SAP130: variants seen among roughly 807,000 people sequenced by gnomAD.
SAP130 encodes histone deacetylase complex subunit SAP130.
A neutral mutation model predicts 103.2 loss-of-function variants in SAP130; 16 were observed. That is an observed-to-expected ratio of 0.16 (90% CI 0.10 to 0.24). SAP130 has a LOEUF of 0.24. SAP130 is among the 10% of genes least tolerant of loss of function. The probability of loss-of-function intolerance (pLI) is 1.00; values close to 1 mark genes in which losing one functional copy is unlikely to be tolerated. For missense variants in SAP130, 990 were observed against 1,359.7 expected (o/e 0.73, Z 4.28); for synonymous variants, 477 against 497.0 (o/e 0.96, Z 0.53).
At chr2:127,988,757 G>A (rs1034719868) in intron 13 of SAP130, among the ~76,000 whole-genome samples, 1 of 151,902 alleles carries the variant, frequency 6.6e-6, no homozygotes, top group Non-Finnish European at 1.5e-5. Flanking sequence ...GGCTGAGGTG[G>A]GAGGATCACT....
At chr2:127,966,800 T>C (rs946276494) in intron 15 of SAP130, among the ~76,000 whole-genome samples, 2 of 152,168 alleles carry the variant, frequency 1.3e-5, no homozygotes, top group African/African-American at 4.8e-5. Flanking sequence ...GCTTGATAAA[T>C]CTTTTGAAAA....
chr2:127,948,492 A>G (rs1679280147), intron 18 of SAP130, among the ~76,000 whole-genome samples: 1 of 151,770 alleles, frequency 6.6e-6, no homozygotes, highest in African/African-American at 2.4e-5. Context: ...GGCACCCGCC[A>G]TCATGCCTGG....
intron 5 of SAP130, among the ~76,000 whole-genome samples, chr2:128,014,282 C>T (rs940610333): frequency 2.0e-5 from 3 of 151,774 alleles, no homozygotes; most frequent in East Asian, 1.9e-4. Flanking sequence ...TGGAGTGCAG[C>T]GGCGCAATCT....
At chr2:127,970,369 T>A (rs1445594848) in intron 15 of SAP130, among the ~76,000 whole-genome samples, 4 of 150,998 alleles carry the variant, frequency 2.6e-5, no homozygotes, top group Non-Finnish European at 5.9e-5. Context: ...GGTGAAACCC[T>A]GTCTCTACTA....
intron 2 of SAP130, among the ~76,000 whole-genome samples, chr2:128,021,390 T>C (rs1294471795): frequency 6.8e-6 from 1 of 146,062 alleles, no homozygotes; most frequent in African/African-American, 2.6e-5. Flanking sequence ...GAGGTTGCAG[T>C]GAGTCGAGAT....
rs1559036465 is a variant in SAP130, at chr2:127,955,021, T to A, written c.2387A>T (p.Glu796Val). 6.2e-7 allele frequency: 1 copy of A among 1,613,700 alleles called. No individual in the cohort carries two copies. The highest frequency in any genetic ancestry group is 2.2e-5 in the East Asian group (1 of 44,868). Reference protein sequence around the residue: ...PPVPEIKVKEEVEPMDIMRPV... With the variant: ...PPVPEIKVKEVVEPMDIMRPV... ...CCTCATGATATCCATTGGTTCTACT[T>A]CTTCTTTCACTTTAATTTCAGGAAC... Residue 796 changes from glutamate to valine, a missense_variant, in exon 16 of 21, where the codon GAA becomes GTA. This residue lies in a region of SAP130 where 349 missense variants were observed against 384.1 expected (regional missense o/e 0.91). Coordinates refer to ENST00000643581, the MANE Select transcript of SAP130 (RefSeq NM_001330301.2). This position sits in a 1 kb window ranked among gnomAD's most constrained non-coding sequence, Gnocchi z 4.9.
At chr2:127,990,069 T>C (rs1682682130) in intron 12 of SAP130, among the ~76,000 whole-genome samples, 1 of 152,192 alleles carries the variant, frequency 6.6e-6, no homozygotes, top group African/African-American at 2.4e-5. Context: ...ACCAATATGA[T>C]GTTGTTTTTC....
In SAP130 at chr2:127,996,229, G is replaced by T; in HGVS notation, c.1355+121C>A. The T allele has an allele frequency of 1.0e-6, 1 of 986,746 alleles. No individual in the cohort carries two copies. The highest frequency in any genetic ancestry group is 1.4e-6 in the Non-Finnish European group (1 of 726,828). 61.1% of individuals were successfully genotyped at this position (986,746 alleles called of 1,614,324 possible). On this transcript the variant is annotated intron_variant, in intron 11 of 20. Coordinates refer to ENST00000643581, the MANE Select transcript of SAP130 (RefSeq NM_001330301.2). This position sits in a 1 kb window ranked among gnomAD's most constrained non-coding sequence, Gnocchi z 4.3. ...ATTATACGAAGTGTTACTTTCAGGG[G>T]AAAATCTGAAAACATGAGTAATAAA...
intron 18 of SAP130, among the ~76,000 whole-genome samples, chr2:127,948,091 G>T (rs1679235493): frequency 6.6e-6 from 1 of 151,466 alleles, no homozygotes; most frequent in South Asian, 2.1e-4. Flanking sequence ...CACCTGGCTT[G>T]TATGTATTTT....
intron 15 of SAP130, among the ~76,000 whole-genome samples, chr2:127,965,434 G>A (rs1486918089): frequency 6.6e-6 from 1 of 152,198 alleles, no homozygotes; most frequent in Non-Finnish European, 1.5e-5. Flanking sequence ...TTGTGCCACT[G>A]CACTCCAGCT....
chr2:128,012,597 T>C (rs1238522796), intron 6 of SAP130, among the ~76,000 whole-genome samples: 1 of 152,150 alleles, frequency 6.6e-6, no homozygotes, highest in East Asian at 1.9e-4. Context: ...TATACTTCAG[T>C]AATAATGAGG....
At chr2:128,018,506 AGGAT>A (rs1351868720) in intron 2 of SAP130, among the ~76,000 whole-genome samples, 1 of 139,932 alleles carries the variant, frequency 7.1e-6, no homozygotes, top group Admixed American at 7.1e-5. Flanking sequence ...AAAAAAAAAA[AGGAT>A]GGCTGGTGCA....
chr2:127,958,902 GC>G (rs1680037686), intron 15 of SAP130, among the ~76,000 whole-genome samples: 1 of 152,102 alleles, frequency 6.6e-6, no homozygotes, highest in Non-Finnish European at 1.5e-5. Flanking sequence ...GAAGCAATCT[GC>G]CTGCCTTGGT....
intron 15 of SAP130, among the ~76,000 whole-genome samples, chr2:127,961,830 C>T (rs1573664504): frequency 6.6e-6 from 1 of 151,410 alleles, no homozygotes; most frequent in South Asian, 2.1e-4. Flanking sequence ...ATTTGGGGAA[C>T]GTGAGGGTGG....
intron 2 of SAP130, among the ~76,000 whole-genome samples, chr2:128,025,029 C>T (rs1685414020): frequency 7.2e-6 from 1 of 139,068 alleles, no homozygotes; most frequent in Non-Finnish European, 1.5e-5. Flanking sequence ...AAAGCCTCAG[C>T]TACTGGTTTG....
intron 15 of SAP130, among the ~76,000 whole-genome samples, chr2:127,960,019 T>C (rs1287368172): frequency 3.3e-5 from 5 of 152,104 alleles, no homozygotes; most frequent in African/African-American, 1.2e-4. Flanking sequence ...GCCTCCTGAG[T>C]AGCTGGGACT....
At chr2:128,010,478 C>T in intron 6 of SAP130, 85 bp from the exon 7 acceptor site, 10 of 1,290,272 alleles carry the variant, frequency 7.8e-6, no homozygotes, top group Non-Finnish European at 1.1e-5. Context: ...GAAACTTGAG[C>T]CTACAGATAA....
chr2:127,941,877 G>A lies in SAP130; in HGVS notation c.*129C>T, dbSNP rs1678735906. Reference sequence around the variant, plus strand: ...GCCCTTGGATGTCATGGGTTCCTCTGCTTTCACACGGGAACTAAGGAACAC... The same window carrying A: ...GCCCTTGGATGTCATGGGTTCCTCTACTTTCACACGGGAACTAAGGAACAC... On this transcript the variant is annotated 3_prime_UTR_variant, in exon 21 of 21. Coordinates refer to ENST00000643581, the MANE Select transcript of SAP130 (RefSeq NM_001330301.2). The A allele has an allele frequency of 1.2e-6, 1 of 855,102 alleles. No homozygotes were observed. Among genetic ancestry groups the A allele is most frequent in the South Asian group, 1.6e-5 (1 of 62,432 alleles). The allele number at this position is 855,102 out of a possible 1,614,324, so 53.0% of individuals were successfully genotyped here. A position where few individuals can be genotyped will look rare whatever the true frequency, so the allele number is the denominator to read the frequency against.
intron 15 of SAP130, among the ~76,000 whole-genome samples, chr2:127,958,283 G>A (rs1345729247): frequency 1.3e-5 from 2 of 152,124 alleles, no homozygotes; most frequent in Non-Finnish European, 2.9e-5. Context: ...GCGCAGTGGC[G>A]AGCGCCTGTA....
Sources: gnomAD v4.1 joint callset for allele counts (sites outside exome capture counted in the v4.1 genomes callset) on GRCh38, gnomAD v4.1.1 for gene constraint, gnomAD v4.1.1 regional missense constraint, Gnocchi (gnomAD v3.1) non-coding constraint, MANE v1.5 for transcripts, NCBI Gene and HGNC (gene_info 2026-07-23, HGNC 2026-07-21) for gene names.